The following UTRN variants were observed in gnomAD, a reference collection of about 807,000 sequenced individuals.
The protein encoded by UTRN is dystrophin-related protein 1.
A neutral mutation model predicts 463.9 loss-of-function variants in UTRN; 283 were observed. The observed-to-expected ratio is 0.61, with a 90% CI of 0.55 to 0.67. UTRN has a LOEUF of 0.67. UTRN is among the 30% of genes least tolerant of loss of function. The pLI is 0.00. For missense variants in UTRN, 3,922 were observed against 4,084.3 expected, an observed-to-expected ratio of 0.96 and a Z score of 1.08; for synonymous variants, 1,442 against 1,431.5, an observed-to-expected ratio of 1.01 and a Z score of -0.17.
intron 69 of UTRN, among the ~76,000 whole-genome samples, chr6:144,830,738 T>C (rs1364111455): frequency 6.6e-6 from 1 of 151,920 alleles, no homozygotes; most frequent in African/African-American, 2.4e-5. Flanking sequence ...TGTTTTTTTT[T>C]TGCTTTTTTA....
chr6:144,369,009 G>A (rs1227410603), intron 2 of UTRN, among the ~76,000 whole-genome samples: 1 of 152,168 alleles, frequency 6.6e-6, no homozygotes, highest in Admixed American at 6.5e-5. Context: ...TCTTAAGATA[G>A]TGTTCATAAA....
chr6:144,559,643 T>C (rs1799683720), intron 50 of UTRN, among the ~76,000 whole-genome samples: 1 of 152,150 alleles, frequency 6.6e-6, no homozygotes, highest in African/African-American at 2.4e-5. Context: ...AGAGTTCTTC[T>C]GAACCAGTGT....
chr6:144,574,769 A>G (rs1801275101), intron 50 of UTRN, among the ~76,000 whole-genome samples: 1 of 152,108 alleles, frequency 6.6e-6, no homozygotes, highest in Admixed American at 6.5e-5. Context: ...TTTAGTGGAG[A>G]AGGAATTTCA....
At position 144,360,067 on chromosome 6, in the gene UTRN, CT is replaced by C. The variant is rs1562292212; in HGVS notation, c.80-43054del. Reference sequence around the variant, plus strand: ...CTTCCCTTCCCTTCCCTTCCCTTCCCTTCCCTTCCCTTCCCTTCCCTTCCCT... The same window carrying C: ...CTTCCCTTCCCTTCCCTTCCCTTCCCTCCCTTCCCTTCCCTTCCCTTCCCT... On this transcript the variant is annotated intron_variant, in intron 2 of 74. Coordinates refer to ENST00000367545, the MANE Select transcript of UTRN (RefSeq NM_007124.3). 3.7e-4 allele frequency among the ~76,000 whole-genome samples: 38 copies of C among 103,902 alleles called. 1 individual carries two copies. The South Asian group carries it at 3.9e-3, about 11-fold the overall frequency. The allele number at this position is 103,902 out of a possible 152,430, so 68.2% of individuals were successfully genotyped here.
Position 144,447,723 on chromosome 6 carries a change from A to G in UTRN, c.1844A>G (p.Glu615Gly). 6.2e-7 allele frequency: 1 copy of G among 1,614,062 alleles called. No homozygotes were observed. The highest frequency in any genetic ancestry group is 1.1e-5 in the South Asian group (1 of 91,050). Residue 615 changes from glutamate (E) to glycine (G), a missense_variant, in exon 16 of 75, where the codon GAG (glutamate) becomes GGG (glycine). Physicochemically the swap from Glu to Gly is moderately conservative, Grantham distance 98. This residue lies in a region of UTRN where 2,349 missense variants were observed against 2,303.8 expected (regional missense o/e 1.02). Coordinates refer to ENST00000367545, the MANE Select transcript of UTRN (RefSeq NM_007124.3). ...TCTAAGAAGATCAACAGTGACTCAG[A>G]GGAACTGACTCAAAGATGGGATTCT... ...KASKKINSDS[E>G]ELTQRWDSLV...
chr6:144,700,307 C>G (rs181565154), intron 53 of UTRN, 64 bp downstream of exon 53: 3 of 1,481,274 alleles, frequency 2.0e-6, no homozygotes, highest in Non-Finnish European at 9.1e-7. Context: ...ATTTGAAATA[C>G]AATTATAGAT....
At chr6:144,325,822 G>C (rs960291976) in intron 2 of UTRN, among the ~76,000 whole-genome samples, 13 of 152,054 alleles carry the variant, frequency 8.5e-5, no homozygotes, top group Non-Finnish European at 1.3e-4. Context: ...AATGTGGCCT[G>C]TATCCTCAGA....
chr6:144,634,684 C>A (rs1225811960), intron 51 of UTRN, among the ~76,000 whole-genome samples: 2 of 152,152 alleles, frequency 1.3e-5, no homozygotes, highest in East Asian at 3.8e-4. Context: ...TCTCCGCATC[C>A]CTACTTCTCC....
intron 73 of UTRN, among the ~76,000 whole-genome samples, chr6:144,841,963 A>C (rs1366417207): frequency 6.6e-6 from 1 of 152,154 alleles, no homozygotes; most frequent in East Asian, 1.9e-4. Context: ...TACAAAAAGT[A>C]GCCGGGCATG....
chr6:144,803,532 T>A (rs1010570939), intron 65 of UTRN, among the ~76,000 whole-genome samples: 9 of 152,132 alleles, frequency 5.9e-5, no homozygotes, highest in Non-Finnish European at 1.2e-4. Flanking sequence ...TAACTCTAGC[T>A]CCTGAATAAA....
intron 2 of UTRN, among the ~76,000 whole-genome samples, chr6:144,358,611 T>G (rs1188360327): frequency 6.6e-6 from 1 of 152,220 alleles, no homozygotes; most frequent in Non-Finnish European, 1.5e-5. Flanking sequence ...ACTCTTGTGT[T>G]GTTTAAAAAA....
chr6:144,806,351 A>AGGG (rs1778146269), intron 65 of UTRN, among the ~76,000 whole-genome samples: 1 of 152,210 alleles, frequency 6.6e-6, no homozygotes, highest in Non-Finnish European at 1.5e-5. Context: ...CCTGCATTAT[A>AGGG]CAAGGATAGC....
At position 144,840,638 on chromosome 6, in the gene UTRN, A is replaced by G. The variant is rs1356506841; in HGVS notation, c.10178-102A>G. 4 of 1,278,964 alleles carry G rather than the reference A, an allele frequency of 3.1e-6. No homozygotes were observed. In the African/African-American group the frequency reaches 4.4e-5, roughly 14 times the overall value. 79.2% of individuals were successfully genotyped at this position (1,278,964 alleles called of 1,614,324 possible). Reference sequence around the variant, plus strand: ...CAATGGGAAATCTTTTCACATTGATATTTAGAGGCTGGTTGGAGTATTTCC... The same window carrying G: ...CAATGGGAAATCTTTTCACATTGATGTTTAGAGGCTGGTTGGAGTATTTCC... On this transcript the variant is annotated intron_variant, in intron 72 of 74. Coordinates refer to ENST00000367545, the MANE Select transcript of UTRN (RefSeq NM_007124.3).
At chr6:144,342,138 G>A (rs1777181833) in intron 2 of UTRN, among the ~76,000 whole-genome samples, 1 of 152,168 alleles carries the variant, frequency 6.6e-6, no homozygotes, top group South Asian at 2.1e-4. Context: ...ACAGTGAAAT[G>A]TCACTTCATA....
chr6:144,445,202 T>C (rs2114912901), intron 14 of UTRN, among the ~76,000 whole-genome samples: 1 of 151,746 alleles, frequency 6.6e-6, no homozygotes, highest in Middle Eastern at 3.4e-3. Flanking sequence ...AATATAAAAA[T>C]AAGCCAGGTG....
chr6:144,653,068 T>C (rs565854648), intron 51 of UTRN, among the ~76,000 whole-genome samples: 94 of 152,306 alleles, frequency 6.2e-4, no homozygotes, highest in African/African-American at 2.0e-3. Context: ...TTTCACACAG[T>C]ATAAAAGATT....
intron 19 of UTRN, among the ~76,000 whole-genome samples, chr6:144,457,046 C>G (rs561396722): frequency 1.2e-4 from 18 of 152,272 alleles, no homozygotes; most frequent in African/African-American, 4.1e-4. Context: ...TAGTCACCTT[C>G]TAAGAACTCT....
At chr6:144,411,998 T>G (rs1237816996) in intron 3 of UTRN, among the ~76,000 whole-genome samples, 2 of 152,212 alleles carry the variant, frequency 1.3e-5, no homozygotes, top group African/African-American at 2.4e-5. Flanking sequence ...ATTATTGCAG[T>G]GCCCTCATTT....
intron 51 of UTRN, among the ~76,000 whole-genome samples, chr6:144,601,861 C>T (rs1355420131): frequency 6.6e-6 from 1 of 152,148 alleles, no homozygotes; most frequent in Non-Finnish European, 1.5e-5. Flanking sequence ...AAGAAAATGT[C>T]AGTCAACCCT....
Sources: gnomAD v4.1 joint callset for allele counts (sites outside exome capture counted in the v4.1 genomes callset) on GRCh38, gnomAD v4.1.1 for gene constraint, gnomAD v4.1.1 regional missense constraint, MANE v1.5 for transcripts, NCBI Gene and HGNC (gene_info 2026-07-23, HGNC 2026-07-21) for gene names.